The following AOAH variants were observed in gnomAD, a reference collection of about 807,000 sequenced individuals.
The protein encoded by AOAH is acyloxyacyl hydrolase (neutrophil).
Under a neutral mutation model 92.2 loss-of-function variants are expected in AOAH, and 64 were observed. That is an observed-to-expected ratio of 0.69 (90% confidence interval 0.57 to 0.86). The LOEUF is 0.86. Among genes scored for constraint, AOAH ranks in the 40% least tolerant of loss-of-function variants. AOAH has a pLI of 0.00. For missense variants in AOAH, 656 were observed against 694.6 expected (o/e 0.94, Z 0.62); for synonymous variants, 263 against 254.5 (o/e 1.03, Z -0.32).
intron 1 of AOAH, among the ~76,000 whole-genome samples, chr7:36,720,181 G>T (rs1010498833): frequency 6.6e-6 from 1 of 151,130 alleles, no homozygotes; most frequent in East Asian, 1.9e-4. Flanking sequence ...ATGGAGTCTC[G>T]CTCTGTCGCC....
chr7:36,677,451 T>G (rs1796325873), intron 2 of AOAH, among the ~76,000 whole-genome samples: 1 of 152,192 alleles, frequency 6.6e-6, no homozygotes, highest in Admixed American at 6.5e-5. Flanking sequence ...TTGGTGAGGA[T>G]GTGGAGAAAT....
At chr7:36,696,686 C>A (rs1391126233) in intron 1 of AOAH, among the ~76,000 whole-genome samples, 2 of 151,886 alleles carry the variant, frequency 1.3e-5, no homozygotes, top group Non-Finnish European at 1.5e-5. Flanking sequence ...ATGGTGAAAC[C>A]CCGTCTCTAC....
intron 5 of AOAH, among the ~76,000 whole-genome samples, chr7:36,633,705 G>T (rs1285552953): frequency 6.6e-6 from 1 of 152,182 alleles, no homozygotes; most frequent in African/African-American, 2.4e-5. Context: ...AGCCGTGGAG[G>T]TGTCAGGCAG....
intron 1 of AOAH, among the ~76,000 whole-genome samples, chr7:36,690,530 C>G (rs1797331850): frequency 6.6e-6 from 1 of 152,228 alleles, no homozygotes; most frequent in Non-Finnish European, 1.5e-5. Context: ...AGAGGTTTCG[C>G]TTCCTTGACA....
At chr7:36,542,130 G>C (rs1785465262) in intron 15 of AOAH, among the ~76,000 whole-genome samples, 3 of 152,158 alleles carry the variant, frequency 2.0e-5, no homozygotes, top group Non-Finnish European at 4.4e-5. Context: ...ATCCTTATAA[G>C]AAGAGGAGAG....
intron 12 of AOAH, among the ~76,000 whole-genome samples, chr7:36,581,506 G>GA (rs1409464572): frequency 5.5e-4 from 84 of 152,150 alleles, no homozygotes; most frequent in African/African-American, 1.9e-3. Flanking sequence ...TTATATTTTG[G>GA]AAAAACAGAT....
chr7:36,573,072 A>G (rs1200232272), intron 13 of AOAH, among the ~76,000 whole-genome samples: 2 of 152,226 alleles, frequency 1.3e-5, no homozygotes, highest in Non-Finnish European at 2.9e-5. Context: ...CCACACACTA[A>G]TTCCAGGACC....
rs10581908 is a variant in AOAH, at chr7:36,569,470, A to AATCTATCT, written c.1021+7096_1021+7103dup. ...TTACAGATTTTTATTTACTTAAAAAAATCTATCTATCTATCTATCTATCTA... is the reference window on the plus strand; with the variant it reads ...TTACAGATTTTTATTTACTTAAAAAAATCTATCTATCTATCTATCTATCTATCTATCTA... On this transcript the variant is annotated intron_variant, in intron 13 of 20. Transcript: ENST00000617537. 3.2e-3 allele frequency among the ~76,000 whole-genome samples: 470 copies of AATCTATCT among 148,058 alleles called. 2 individuals are homozygous for AATCTATCT. The highest frequency in any genetic ancestry group is 5.0e-3 in the South Asian group (23 of 4,628).
At chr7:36,533,678 CGTGTGTGT>C (rs5883560) in intron 16 of AOAH, among the ~76,000 whole-genome samples, 2 of 149,190 alleles carry the variant, frequency 1.3e-5, no homozygotes, top group Non-Finnish European at 3.0e-5. Context: ...ATTTTGTGTG[CGTGTGTGT>C]GTGTGTGTGT....
chr7:36,542,309 G>A, intron 15 of AOAH, among the ~76,000 whole-genome samples: 1 of 152,208 alleles, frequency 6.6e-6, no homozygotes, highest in African/African-American at 2.4e-5. Context: ...TGGCCCCACG[G>A]ACACCTTGAT....
chr7:36,642,182 T>C lies in AOAH; in HGVS notation c.391-4272A>G, dbSNP rs569373805. 5.3e-5 allele frequency among the ~76,000 whole-genome samples: 8 copies of C among 152,080 alleles called. No individual in the cohort carries two copies. In the South Asian group the frequency reaches 1.5e-3, roughly 28 times the overall value. On this transcript the variant is annotated intron_variant, in intron 4 of 20. Transcript: ENST00000617537. ...TGCAAAAGTAATTGCGGTTTTGCCA[T>C]TAAAAGCAATAGCAAAAACCGCAAT...
At chr7:36,525,695 T>C (rs1583728576) in intron 19 of AOAH, among the ~76,000 whole-genome samples, 1 of 152,172 alleles carries the variant, frequency 6.6e-6, no homozygotes, top group Non-Finnish European at 1.5e-5. Context: ...AAATTTTGGA[T>C]TTTGTGTGTA....
chr7:36,631,936 G>A, intron 6 of AOAH, 100 bp downstream of exon 6: 1 of 827,982 alleles, frequency 1.2e-6, no homozygotes, highest in Non-Finnish European at 2.0e-6. Context: ...CTTCAGGGAT[G>A]CCTTTTAAGT....
At chr7:36,579,616 T>C (rs1361799468) in intron 12 of AOAH, among the ~76,000 whole-genome samples, 7 of 152,000 alleles carry the variant, frequency 4.6e-5, no homozygotes, top group Non-Finnish European at 1.0e-4. Context: ...CAGTTCAAGT[T>C]CCAAAACTGA....
At chr7:36,717,727 A>ATTTTTT (rs10624883) in intron 1 of AOAH, among the ~76,000 whole-genome samples, 4 of 122,756 alleles carry the variant, frequency 3.3e-5, no homozygotes, top group South Asian at 2.6e-4. Flanking sequence ...TTCTCTTCTT[A>ATTTTTT]TTTTTTTTTT....
At chr7:36,663,141 T>C (rs1795316567) in intron 3 of AOAH, among the ~76,000 whole-genome samples, 1 of 152,214 alleles carries the variant, frequency 6.6e-6, no homozygotes, top group African/African-American at 2.4e-5. Context: ...AGTCACATTT[T>C]TCATTTTTAA....
Position 36,514,429 on chromosome 7 carries a change from T to C in AOAH, c.1600-1049A>G, listed in dbSNP as rs939063042. ...TGCCAGAGAGGAATCCTTAGCTTAA[T>C]ACACAGCAGGCTCGACTCTGGCTTT... On this transcript the variant is annotated intron_variant, in intron 20 of 20. Transcript: ENST00000617537. The C allele has an allele frequency of 2.1e-6, 3 of 1,425,736 alleles. No individual in the cohort carries two copies. The African/African-American group carries it at 4.3e-5, about 20-fold the overall frequency. 88.3% of individuals were successfully genotyped at this position (1,425,736 alleles called of 1,614,324 possible). A position where few individuals can be genotyped will look rare whatever the true frequency, so the allele number is the denominator to read the frequency against.
chr7:36,581,199 T>C (rs1258321912), intron 12 of AOAH, among the ~76,000 whole-genome samples: 2 of 152,212 alleles, frequency 1.3e-5, no homozygotes, highest in Admixed American at 1.3e-4. Context: ...CTGGGGCTTC[T>C]GCAGTGTGAA....
intron 2 of AOAH, among the ~76,000 whole-genome samples, chr7:36,679,840 TAG>T (rs1181131302): frequency 3.2e-4 from 48 of 152,082 alleles, no homozygotes; most frequent in Admixed American, 1.4e-3. Flanking sequence ...GTATTTTTAG[TAG>T]AGATGGGGTT....
Sources: gnomAD v4.1 joint callset for allele counts (sites outside exome capture counted in the v4.1 genomes callset) on GRCh38, gnomAD v4.1.1 for gene constraint, MANE v1.5 for transcripts, NCBI Gene and HGNC (gene_info 2026-07-23, HGNC 2026-07-21) for gene names.